Variants in ZNF746 observed in about 807,000 individuals in gnomAD.
The protein encoded by ZNF746 is parkin-interacting substrate.
Under a neutral mutation model 41.0 loss-of-function variants are expected in ZNF746, and 13 were observed. The observed-to-expected ratio is 0.32, with a 90% CI of 0.21 to 0.50. The LOEUF (loss-of-function observed/expected upper bound fraction) is 0.50. Among genes scored for constraint, ZNF746 ranks in the 20% least tolerant of loss-of-function variants. ZNF746 has a pLI of 0.98. For synonymous variants in ZNF746, 424 were observed against 396.2 expected (o/e 1.07, Z -0.83); for missense variants, 811 against 922.9 (o/e 0.88, Z 1.57).
chr7:149,493,122 C>A (rs1482518610), intron 3 of ZNF746, 150 bp from the exon 4 acceptor site: 26 of 609,474 alleles, frequency 4.3e-5, no homozygotes, highest in Non-Finnish European at 6.2e-5. Flanking sequence ...TCCCTGGGGG[C>A]ATCTGGCAAA....
Position 149,494,567 on chromosome 7 carries a change from T to C in ZNF746, c.25-64A>G. 1 of 1,591,824 alleles carries C rather than the reference T, an allele frequency of 6.3e-7. No individual in the cohort carries two copies. Among genetic ancestry groups the C allele is most frequent in the Non-Finnish European group, 8.6e-7 (1 of 1,166,380 alleles). ...ATCCACTGTCTTCATTGAGCCCCTCTCTCCCTAGGCACGGGGGAGTTGGGC... is the reference window on the plus strand; with the variant it reads ...ATCCACTGTCTTCATTGAGCCCCTCCCTCCCTAGGCACGGGGGAGTTGGGC... On this transcript the variant is annotated intron_variant, in intron 1 of 6. Transcript: ENST00000458143. This position sits in a 1 kb window ranked among gnomAD's most constrained non-coding sequence, Gnocchi z 5.6.
intron 4 of ZNF746, among the ~76,000 whole-genome samples, 185 bp downstream of exon 4, chr7:149,492,674 A>G (rs2373501): frequency 7.9e-5 from 12 of 152,192 alleles, no homozygotes; most frequent in Admixed American, 1.3e-4. Flanking sequence ...GAAAGTGTTC[A>G]TTTCTGGAGC....
In ZNF746 at chr7:149,477,596, C is replaced by A; in HGVS notation, c.725G>T (p.Gly242Val). 1 of 1,613,044 alleles carries A rather than the reference C, an allele frequency of 6.2e-7. No individual in the cohort carries two copies. Among genetic ancestry groups the A allele is most frequent in the Non-Finnish European group, 8.5e-7 (1 of 1,179,218 alleles). The change falls in exon 5 of 7, where the codon GGA (glycine) becomes GTA (valine). Residue 242 changes from glycine to valine, a missense_variant. By Grantham distance (109) the Gly-to-Val change is moderately radical (BLOSUM62 -3). Around this residue, in one of 4 missense-constraint regions of ZNF746, gnomAD observed 495 missense variants for 481.6 expected, o/e 1.03. Coordinates refer to ENST00000458143, the MANE Select transcript of ZNF746 (RefSeq NM_001394198.1). Reference protein sequence around the residue: ...EPWGLSQLDSGAGDISTDATS... With the variant: ...EPWGLSQLDSVAGDISTDATS... Reference sequence around the variant, plus strand: ...GGCATCCGTGGAGATGTCTCCTGCTCCGGAATCCAGCTGGCTGAGGCCCCA... The same window carrying A: ...GGCATCCGTGGAGATGTCTCCTGCTACGGAATCCAGCTGGCTGAGGCCCCA...
chr7:149,477,056 A>G lies in ZNF746; in HGVS notation c.758-9T>C. 2 of 1,610,588 alleles carry G rather than the reference A, an allele frequency of 1.2e-6. No homozygotes were observed. The highest frequency in any genetic ancestry group is 1.7e-6 in the Non-Finnish European group (2 of 1,178,392). The stretch of plus-strand genomic sequence containing the variant: ...AAAGTTGGAATGGACACCTGCGGTA[A>G]GGGGAGAGCAGAGCCGGTGGGTTAG... On this transcript the variant is annotated splice_polypyrimidine_tract_variant and intron_variant, in intron 5 of 6. Transcript: ENST00000458143.
rs61734989 is a variant in ZNF746 at position 149,494,402 on chromosome 7, G to A, written c.126C>T (p.Ala42=). Residue 42 remains alanine, a synonymous_variant, in exon 2 of 7, where the codon GCC becomes GCT. Coordinates refer to ENST00000458143, the MANE Select transcript of ZNF746 (RefSeq NM_001394198.1). This position sits in a 1 kb window ranked among gnomAD's most constrained non-coding sequence, Gnocchi z 5.6. ...TCTCGCAATCAGCCAGCTTCTTCTC[G>A]GCCATCCCGGTTCGACCTTCTAGGG... ...LLSLEGRTGM[A]EKKLADCEKT... 10 of 1,613,848 alleles carry A rather than the reference G, an allele frequency of 6.2e-6. No homozygotes were observed. Among genetic ancestry groups the A allele is most frequent in the East Asian group, 2.2e-5 (1 of 44,882 alleles).
At chr7:149,493,330 G>A (rs1177834150) in intron 3 of ZNF746, among the ~76,000 whole-genome samples, 2 of 152,216 alleles carry the variant, frequency 1.3e-5, no homozygotes, top group African/African-American at 4.8e-5. Context: ...TTAAACAGCA[G>A]TGCACTTGTG....
rs760035507 is a variant in ZNF746 at position 149,474,417 on chromosome 7, G to T, written c.1950C>A (p.Ser650Arg). ...DLVTDWTCGL[S>R]VLGPTDGGDM Reference sequence around the variant, plus strand: ...CCCCGCCATCGGTGGGTCCCAGGACGCTGAGGCCACAAGTCCAGTCGGTCA... The same window carrying T: ...CCCCGCCATCGGTGGGTCCCAGGACTCTGAGGCCACAAGTCCAGTCGGTCA... Residue 650 changes from serine to arginine, a missense_variant, in exon 7 of 7, where the codon AGC becomes AGA. Coordinates refer to ENST00000458143, the MANE Select transcript of ZNF746 (RefSeq NM_001394198.1). The surrounding 1 kb of genome is among the most constrained non-coding windows in gnomAD (Gnocchi z 6.3). 16 of 1,610,388 alleles carry T rather than the reference G, an allele frequency of 9.9e-6. No individual in the cohort carries two copies. Among genetic ancestry groups the T allele is most frequent in the Admixed American group, 1.7e-5 (1 of 59,614 alleles).
At position 149,474,719 on chromosome 7, in the gene ZNF746, C is replaced by A; in HGVS notation, c.1648G>T (p.Gly550Cys). Residue 550 changes from glycine (G) to cysteine (C), a missense_variant, in exon 7 of 7, where the codon GGC (glycine) becomes TGC (cysteine). Gly to Cys is a radical substitution (Grantham distance 159). This residue lies in a region of ZNF746 where 70 missense variants were observed against 127.6 expected (regional missense o/e 0.55). Coordinates refer to ENST00000458143, the MANE Select transcript of ZNF746 (RefSeq NM_001394198.1). The surrounding 1 kb of genome is among the most constrained non-coding windows in gnomAD (Gnocchi z 6.3). ...TCGGTGCAGGGGAAGGGCCGCTCGC[C>A]GGTGTGCAGCATGCGATGGCGGATG... The part of the protein sequence containing the change: ...HLIRHRMLHT[G>C]ERPFPCTECE... 1 of 1,611,644 alleles carries A rather than the reference C, an allele frequency of 6.2e-7. No individual in the cohort carries two copies.
intron 4 of ZNF746, among the ~76,000 whole-genome samples, chr7:149,481,161 A>C (rs868419034): frequency 6.6e-6 from 1 of 152,236 alleles, no homozygotes; most frequent in Non-Finnish European, 1.5e-5. Flanking sequence ...AAAGCCAGAA[A>C]AAAGGGGCAA....
At chr7:149,476,873 T>A (rs1420825579) in intron 6 of ZNF746, 49 bp downstream of exon 6, 3 of 1,612,522 alleles carry the variant, frequency 1.9e-6, no homozygotes, top group Non-Finnish European at 1.7e-6. Context: ...ACCGAGGTAC[T>A]CCCCACAGGC....
intron 6 of ZNF746, 142 bp downstream of exon 6, chr7:149,476,780 C>G: frequency 1.8e-6 from 2 of 1,131,004 alleles, no homozygotes; most frequent in African/African-American, 1.5e-5. Flanking sequence ...ACAGAATGTG[C>G]AAAGGGTCAT....
At chr7:149,477,944 G>C (rs1563250091) in intron 4 of ZNF746, 189 bp from the exon 5 acceptor site, 1 of 497,154 alleles carries the variant, frequency 2.0e-6, no homozygotes, top group Admixed American at 3.4e-5. Context: ...ATGGTATTGG[G>C]AATGCGGGTA....
Position 149,472,817 on chromosome 7 carries a change from T to A in ZNF746, c.*1567A>T, listed in dbSNP as rs1291407154. 1 of 152,632 alleles carries A rather than the reference T, an allele frequency of 6.6e-6. No homozygotes were observed. Among genetic ancestry groups the A allele is most frequent in the Non-Finnish European group, 1.5e-5 (1 of 68,034 alleles). The allele number at this position is 152,632 out of a possible 1,614,324, so 9.5% of individuals were successfully genotyped here. On this transcript the variant is annotated 3_prime_UTR_variant, in exon 7 of 7. Coordinates refer to ENST00000458143, the MANE Select transcript of ZNF746 (RefSeq NM_001394198.1). ...CCTTGGTGCTGGTTAGGTTTTATTT[T>A]AACAGGATGTTTTCTCTTATTTTTC...
chr7:149,496,799 G>A (rs111330866), intron 1 of ZNF746: 103 of 985,258 alleles, frequency 1.0e-4, no homozygotes, highest in African/African-American at 3.1e-4. Context: ...CTGGGCGCCA[G>A]CACTCACCCC....
intron 4 of ZNF746, among the ~76,000 whole-genome samples, chr7:149,478,683 T>C (rs967697032): frequency 1.3e-5 from 2 of 151,326 alleles, no homozygotes; most frequent in African/African-American, 4.9e-5. Context: ...GCCATGAGAG[T>C]CATGGCAGAG....
intron 4 of ZNF746, among the ~76,000 whole-genome samples, chr7:149,478,241 G>C (rs1332819462): frequency 1.3e-5 from 2 of 152,178 alleles, no homozygotes; most frequent in Non-Finnish European, 1.5e-5. Context: ...TGTTGGAGTA[G>C]GATACAGGCC....
chr7:149,486,342 C>T (rs575233363), intron 4 of ZNF746, among the ~76,000 whole-genome samples: 8 of 114,916 alleles, frequency 7.0e-5, no homozygotes, highest in South Asian at 2.8e-4. Context: ...TTTCCTATGA[C>T]CCAGCAGTTC....
At position 149,497,176 on chromosome 7, in the gene ZNF746, G is replaced by T. The variant is rs1480274113; in HGVS notation, c.24+337C>A. The T allele has an allele frequency of 2.0e-6, 2 of 985,234 alleles. No homozygotes were observed. The highest frequency in any genetic ancestry group is 2.4e-6 in the Non-Finnish European group (2 of 829,900). The allele number at this position is 985,234 out of a possible 1,614,324, so 61.0% of individuals were successfully genotyped here. On this transcript the variant is annotated intron_variant, in intron 1 of 6. Coordinates refer to ENST00000458143, the MANE Select transcript of ZNF746 (RefSeq NM_001394198.1). This position sits in a 1 kb window ranked among gnomAD's most constrained non-coding sequence, Gnocchi z 4.2. ...GAGGGACCTACAGGCCGAGCGCCAG[G>T]CAGAGAAAGGAGCCGCGGGTGGGGG... is the stretch of plus-strand genomic sequence containing the variant.
At chr7:149,492,610 G>C (rs560804220) in intron 4 of ZNF746, among the ~76,000 whole-genome samples, 4 of 152,240 alleles carry the variant, frequency 2.6e-5, no homozygotes, top group Admixed American at 2.0e-4. Flanking sequence ...CTCAACCTGT[G>C]CCCTGCCTTT....
Sources: gnomAD v4.1 joint callset for allele counts (sites outside exome capture counted in the v4.1 genomes callset) on GRCh38, gnomAD v4.1.1 for gene constraint, gnomAD v4.1.1 regional missense constraint, Gnocchi (gnomAD v3.1) non-coding constraint, MANE v1.5 for transcripts, NCBI Gene and HGNC (gene_info 2026-07-23, HGNC 2026-07-21) for gene names.